FZD5: variants seen among roughly 807,000 people sequenced by gnomAD.
The protein encoded by FZD5 is frizzled class receptor 5, also known as frizzled-5.
A neutral mutation model predicts 40.8 loss-of-function variants in FZD5; 12 were observed. The observed-to-expected ratio is 0.29, with a 90% CI of 0.19 to 0.48. FZD5 has a LOEUF of 0.48. FZD5 is among the 20% of genes least tolerant of loss of function. The pLI is 0.99. For missense variants in FZD5, 622 were observed against 832.8 expected, an observed-to-expected ratio of 0.75 and a Z score of 3.12; for synonymous variants, 380 against 383.7, an observed-to-expected ratio of 0.99 and a Z score of 0.11.
chr2:207,767,354 G>T lies in FZD5; in HGVS notation c.1386C>A (p.Ser462Arg). The T allele has an allele frequency of 6.2e-7, 1 of 1,612,486 alleles. No individual in the cohort carries two copies. ...CGTACAGGTAGCAGGCCACCACAAT[G>T]CTGGCGGGGACCGTGTAGAGCAGCG... is the stretch of plus-strand genomic sequence containing the variant. The part of the protein sequence containing the change: ...IFTLLYTVPA[S>R]IVVACYLYEQ... Residue 462 changes from serine to arginine, a missense_variant, in exon 2 of 2, where the codon AGC becomes AGA. By Grantham distance (110) the Ser-to-Arg change is moderately radical (BLOSUM62 -1). Coordinates refer to ENST00000295417, the MANE Select transcript of FZD5 (RefSeq NM_003468.4).
At position 207,768,937 on chromosome 2, in the gene FZD5, T is replaced by C; in HGVS notation, c.-198A>G. ...GCTGCCTCCGCTGGCAGCGCTCCGC[T>C]CCTCGCCGGATAGGGCTGGGGAGAG... On this transcript the variant is annotated 5_prime_UTR_variant, in exon 2 of 2. Coordinates refer to ENST00000295417, the MANE Select transcript of FZD5 (RefSeq NM_003468.4). The C allele has an allele frequency of 3.3e-6, 2 of 597,540 alleles. No homozygotes were observed. The highest frequency in any genetic ancestry group is 5.9e-5 in the East Asian group (2 of 33,778). 37.0% of individuals were successfully genotyped at this position (597,540 alleles called of 1,614,324 possible).
At position 207,767,836 on chromosome 2, in the gene FZD5, G is replaced by T. The variant is rs780548708; in HGVS notation, c.904C>A (p.His302Asn). The change falls in exon 2 of 2, where the codon CAC (histidine) becomes AAC (asparagine). Residue 302 changes from histidine (H) to asparagine (N), a missense_variant. By Grantham distance (68) the His-to-Asn change is moderately conservative (BLOSUM62 1). Around this residue, in one of 4 missense-constraint regions of FZD5, gnomAD observed 208 missense variants for 348.9 expected, o/e 0.60. Coordinates refer to ENST00000295417, the MANE Select transcript of FZD5 (RefSeq NM_003468.4). ...GTGGTCTCGTAGTGGATGTGGTTGT[G>T]CTCGCGGCTGCAGGCCACGCTGGCA... Reference protein sequence around the residue: ...GHASVACSREHNHIHYETTGP... With the variant: ...GHASVACSRENNHIHYETTGP... The T allele has an allele frequency of 6.2e-7, 1 of 1,602,926 alleles. No homozygotes were observed. Among genetic ancestry groups the T allele is most frequent in the South Asian group, 1.1e-5 (1 of 89,578 alleles).
chr2:207,765,678 A>G lies in FZD5; in HGVS notation c.*1304T>C, dbSNP rs1048063607. On this transcript the variant is annotated 3_prime_UTR_variant, in exon 2 of 2. Coordinates refer to ENST00000295417, the MANE Select transcript of FZD5 (RefSeq NM_003468.4). ...CATCTCTTTTGTTTTCAGAGACGGC[A>G]GAGAGCAACGTCTTGCTGCTCTTGG... 1 of 152,632 alleles carries G rather than the reference A, an allele frequency of 6.6e-6. No homozygotes were observed. 9.5% of individuals were successfully genotyped at this position (152,632 alleles called of 1,614,324 possible).
rs1340124490 is a variant in FZD5 at position 207,764,883 on chromosome 2, G to T, written c.*2099C>A. ...GTTCTCTCATTTGAAAAACAGGAGA[G>T]GAATTGGCATTCAGTCAAGGGATCT... On this transcript the variant is annotated 3_prime_UTR_variant, in exon 2 of 2. Coordinates refer to ENST00000295417, the MANE Select transcript of FZD5 (RefSeq NM_003468.4). 1 of 152,146 alleles carries T rather than the reference G, an allele frequency of 6.6e-6. No individual in the cohort carries two copies. The highest frequency in any genetic ancestry group is 1.5e-5 in the Non-Finnish European group (1 of 68,026). The allele number at this position is 152,146 out of a possible 1,614,324, so 9.4% of individuals were successfully genotyped here.
chr2:207,764,918 T>C lies in FZD5; in HGVS notation c.*2064A>G, dbSNP rs559128127. On this transcript the variant is annotated 3_prime_UTR_variant, in exon 2 of 2. Coordinates refer to ENST00000295417, the MANE Select transcript of FZD5 (RefSeq NM_003468.4). ...TTCAGTCAAGGGATCTATTTCAAGATTCTAGGAAGAGGCTTCTTCCTAGAA... is the reference window on the plus strand; with the variant it reads ...TTCAGTCAAGGGATCTATTTCAAGACTCTAGGAAGAGGCTTCTTCCTAGAA... 6.6e-5 allele frequency: 10 copies of C among 152,322 alleles called. 1 individual carries two copies. In the East Asian group the frequency reaches 1.7e-3, roughly 26 times the overall value. 9.4% of individuals were successfully genotyped at this position (152,322 alleles called of 1,614,324 possible). A position where few individuals can be genotyped will look rare whatever the true frequency, so the allele number is the denominator to read the frequency against.
chr2:207,763,291 T>C lies in FZD5; in HGVS notation c.*3691A>G, dbSNP rs889033971. On this transcript the variant is annotated 3_prime_UTR_variant, in exon 2 of 2. Transcript: ENST00000295417. ...AAATGATGCACTCACAGACAGACACTATCCTGGCTGAAATAAATCCTATTG... is the reference window on the plus strand; with the variant it reads ...AAATGATGCACTCACAGACAGACACCATCCTGGCTGAAATAAATCCTATTG... 3 of 152,616 alleles carry C rather than the reference T, an allele frequency of 2.0e-5. No homozygotes were observed. Among genetic ancestry groups the C allele is most frequent in the Admixed American group, 2.0e-4 (3 of 15,286 alleles). The allele number at this position is 152,616 out of a possible 1,614,324, so 9.5% of individuals were successfully genotyped here. A position where few individuals can be genotyped will look rare whatever the true frequency, so the allele number is the denominator to read the frequency against.
chr2:207,765,180 T>C lies in FZD5; in HGVS notation c.*1802A>G, dbSNP rs2091973394. 6.6e-6 allele frequency: 1 copy of C among 152,226 alleles called. No individual in the cohort carries two copies. Among genetic ancestry groups the C allele is most frequent in the South Asian group, 2.1e-4 (1 of 4,834 alleles). The allele number at this position is 152,226 out of a possible 1,614,324, so 9.4% of individuals were successfully genotyped here. A position where few individuals can be genotyped will look rare whatever the true frequency, so the allele number is the denominator to read the frequency against. On this transcript the variant is annotated 3_prime_UTR_variant, in exon 2 of 2. Coordinates refer to ENST00000295417, the MANE Select transcript of FZD5 (RefSeq NM_003468.4). ...CTATTTAACATCCATGAAGTAAAAA[T>C]TGTCCTAGGCTTAAATTTTACTTTT...
Position 207,767,809 on chromosome 2 carries a change from C to T in FZD5, c.931G>A (p.Gly311Ser), listed in dbSNP as rs781487963. 1 of 1,611,078 alleles carries T rather than the reference C, an allele frequency of 6.2e-7. No individual in the cohort carries two copies. The highest frequency in any genetic ancestry group is 8.5e-7 in the Non-Finnish European group (1 of 1,178,648). The part of the protein sequence containing the change: ...EHNHIHYETT[G>S]PALCTIVFLL... ...AAGACGATGGTGCACAGTGCAGGGCCCGTGGTCTCGTAGTGGATGTGGTTG... is the reference window on the plus strand; with the variant it reads ...AAGACGATGGTGCACAGTGCAGGGCTCGTGGTCTCGTAGTGGATGTGGTTG... Residue 311 changes from glycine to serine, a missense_variant, in exon 2 of 2, where the codon GGC (glycine) becomes AGC (serine). By Grantham distance (56) the Gly-to-Ser change is moderately conservative (BLOSUM62 0). Coordinates refer to ENST00000295417, the MANE Select transcript of FZD5 (RefSeq NM_003468.4).
Position 207,768,132 on chromosome 2 carries a change from G to A in FZD5, c.608C>T (p.Ser203Leu). Residue 203 changes from serine (S) to leucine (L), a missense_variant, in exon 2 of 2, where the codon TCA (serine) becomes TTA (leucine). Coordinates refer to ENST00000295417, the MANE Select transcript of FZD5 (RefSeq NM_003468.4). ...REPFVPILKE[S>L]HPLYNKVRTG... ...CCGCACCTTGTTGTAGAGCGGGTGT[G>A]ACTCCTTCAGAATGGGCACGAAGGG... 1 of 1,612,374 alleles carries A rather than the reference G, an allele frequency of 6.2e-7. No individual in the cohort carries two copies. Among genetic ancestry groups the A allele is most frequent in the Non-Finnish European group, 8.5e-7 (1 of 1,179,824 alleles).
chr2:207,767,318 G>A lies in FZD5; in HGVS notation c.1422C>T (p.Tyr474=). Residue 474 remains tyrosine, a synonymous_variant, in exon 2 of 2, where the codon TAC becomes TAT. Coordinates refer to ENST00000295417, the MANE Select transcript of FZD5 (RefSeq NM_003468.4). ...VVACYLYEQH[Y]RESWEAALTC... ...TGAGCGCCGCCTCCCAGCTCTCGCG[G>A]TAGTGCTGCTCGTACAGGTAGCAGG... 1 of 1,611,766 alleles carries A rather than the reference G, an allele frequency of 6.2e-7. No individual in the cohort carries two copies. Among genetic ancestry groups the A allele is most frequent in the Non-Finnish European group, 8.5e-7 (1 of 1,179,582 alleles).
chr2:207,768,440 C>T lies in FZD5; in HGVS notation c.300G>A (p.Lys100=), dbSNP rs549397770. 3 of 1,609,286 alleles carry T rather than the reference C, an allele frequency of 1.9e-6. No individual in the cohort carries two copies. Among genetic ancestry groups the T allele is most frequent in the South Asian group, 1.1e-5 (1 of 91,068 alleles). Residue 100 remains lysine (K), a synonymous_variant, in exon 2 of 2, where the codon AAG becomes AAA. Coordinates refer to ENST00000295417, the MANE Select transcript of FZD5 (RefSeq NM_003468.4). ...ACACCGAGCGGCAGGGCGGCAGCGGCTTGTGGTAGTCGGGCAGACAGATGG... is the reference window on the plus strand; with the variant it reads ...ACACCGAGCGGCAGGGCGGCAGCGGTTTGTGGTAGTCGGGCAGACAGATGG... The part of the protein sequence containing the change: ...YTPICLPDYH[K]PLPPCRSVCE...
Position 207,768,224 on chromosome 2 carries a change from CG to C in FZD5, c.515del (p.Pro172ArgfsTer29). 1 of 1,567,352 alleles carries C rather than the reference CG, an allele frequency of 6.4e-7. No homozygotes were observed. The highest frequency in any genetic ancestry group is 1.3e-5 in the African/African-American group (1 of 74,128). Reference protein sequence around the residue: ...PFPAKPTLPGPPGAPASGGEC... With the variant: ...PFPAKPTLPGXPGAPASGGEC... ...CGCCCCCCGAGGCCGGCGCCCCTGG[CG>C]GGCCTGGAAGGGTGGGCTTGGCTGG... is the stretch of plus-strand genomic sequence containing the variant. On this transcript the variant is annotated frameshift_variant, in exon 2 of 2. Coordinates refer to ENST00000295417, the MANE Select transcript of FZD5 (RefSeq NM_003468.4). LOFTEE classifies it high-confidence loss of function.
rs770306312 is a variant in FZD5 at position 207,767,687 on chromosome 2, C to T, written c.1053G>A (p.Glu351=). 3.7e-6 allele frequency: 6 copies of T among 1,613,916 alleles called. No individual in the cohort carries two copies. In the South Asian group the frequency reaches 6.6e-5, roughly 18 times the overall value. The change falls in exon 2 of 2, where the codon GAG becomes GAA. Residue 351 remains glutamate (E), a synonymous_variant. Coordinates refer to ENST00000295417, the MANE Select transcript of FZD5 (RefSeq NM_003468.4). The part of the protein sequence containing the change: ...FLAAGMKWGN[E]AIAGYAQYFH... The stretch of plus-strand genomic sequence containing the variant: ...AGTACTGCGCGTAGCCCGCGATGGC[C>T]TCGTTGCCCCACTTCATGCCGGCGG...
rs1478882292 is a variant in FZD5 at position 207,769,902 on chromosome 2, C to T, written c.-893G>A. 6.6e-6 allele frequency among the ~76,000 whole-genome samples: 1 copy of T among 152,036 alleles called. No individual in the cohort carries two copies. The highest frequency in any genetic ancestry group is 1.5e-5 in the Non-Finnish European group (1 of 67,972). The stretch of plus-strand genomic sequence containing the variant: ...GGACTCACGGCCGCAGGCTGGCTGC[C>T]CTCTCCCGCCCCGCCCGGGTCACCT... On this transcript the variant is annotated 5_prime_UTR_variant, in exon 1 of 2. Transcript: ENST00000295417.
At position 207,768,823 on chromosome 2, in the gene FZD5, C is replaced by T; in HGVS notation, c.-84G>A. 2 of 1,176,988 alleles carry T rather than the reference C, an allele frequency of 1.7e-6. No individual in the cohort carries two copies. The highest frequency in any genetic ancestry group is 1.6e-5 in the South Asian group (1 of 61,612). The allele number at this position is 1,176,988 out of a possible 1,614,324, so 72.9% of individuals were successfully genotyped here. ...TCCGGGCCGGGGCTTCTCCCTCCGG[C>T]GTCTCGTGTGTGGCGCCGGGGCTGG... On this transcript the variant is annotated 5_prime_UTR_variant, in exon 2 of 2. Coordinates refer to ENST00000295417, the MANE Select transcript of FZD5 (RefSeq NM_003468.4).
rs746804964 is a variant in FZD5 at position 207,768,258 on chromosome 2, C to G, written c.482G>C (p.Arg161Thr). Residue 161 changes from arginine (R) to threonine (T), a missense_variant, in exon 2 of 2, where the codon AGG becomes ACG. By Grantham distance (71) the Arg-to-Thr change is moderately conservative. Around this residue, in one of 4 missense-constraint regions of FZD5, gnomAD observed 116 missense variants for 117.7 expected, o/e 0.99. Transcript: ENST00000295417. Reference protein sequence around the residue: ...NRSEATTAPPRPFPAKPTLPG... With the variant: ...NRSEATTAPPTPFPAKPTLPG... Reference sequence around the variant, plus strand: ...AAGGGTGGGCTTGGCTGGGAAAGGCCTGGGGGGCGCCGTGGTGGCCTCGCT... The same window carrying G: ...AAGGGTGGGCTTGGCTGGGAAAGGCGTGGGGGGCGCCGTGGTGGCCTCGCT... The G allele has an allele frequency of 4.9e-5, 76 of 1,548,000 alleles. No individual in the cohort carries two copies. The highest frequency in any genetic ancestry group is 6.4e-5 in the Non-Finnish European group (74 of 1,152,156).
At chr2:207,769,083 T>A in intron 1 of FZD5, 89 bp from the exon 2 acceptor site, 1 of 312,618 alleles carries the variant, frequency 3.2e-6, no homozygotes, top group Non-Finnish European at 6.2e-6. Flanking sequence ...TGTCTCCAAA[T>A]CTCTTAAGTT....
rs1168761634 is a variant in FZD5 at position 207,762,893 on chromosome 2, TGTAA to T, written c.*4085_*4088del. On this transcript the variant is annotated 3_prime_UTR_variant, in exon 2 of 2. Coordinates refer to ENST00000295417, the MANE Select transcript of FZD5 (RefSeq NM_003468.4). ...CATCAAGCTGCTCTGGGTTTCCTTT[TGTAA>T]GTGTTACAGATTCAGAACTGTAATC... 1 of 152,656 alleles carries T rather than the reference TGTAA, an allele frequency of 6.6e-6. No individual in the cohort carries two copies. The highest frequency in any genetic ancestry group is 1.5e-5 in the Non-Finnish European group (1 of 68,042). The allele number at this position is 152,656 out of a possible 1,614,324, so 9.5% of individuals were successfully genotyped here.
In FZD5 at chr2:207,768,365, G is replaced by A. The variant is rs1407775567; in HGVS notation, c.375C>T (p.Phe125=). Residue 125 remains phenylalanine, a synonymous_variant, in exon 2 of 2, where the codon TTC becomes TTT. Coordinates refer to ENST00000295417, the MANE Select transcript of FZD5 (RefSeq NM_003468.4). ...GCSPLMRQYG[F]AWPERMSCDR... is the part of the protein sequence containing the mutation. ...CGCAGCTCATGCGCTCGGGCCAGGC[G>A]AAGCCGTACTGGCGCATCAGCGGCG... The A allele has an allele frequency of 3.8e-6, 6 of 1,591,070 alleles. No individual in the cohort carries two copies. In the East Asian group the frequency reaches 9.0e-5, roughly 24 times the overall value.
Sources: gnomAD v4.1 joint callset for allele counts (sites outside exome capture counted in the v4.1 genomes callset) on GRCh38, gnomAD v4.1.1 for gene constraint, gnomAD v4.1.1 regional missense constraint, MANE v1.5 for transcripts, NCBI Gene and HGNC (gene_info 2026-07-23, HGNC 2026-07-21) for gene names.